The following CAMSAP1 variants were observed in gnomAD, a reference collection of about 807,000 sequenced individuals.
CAMSAP1 encodes calmodulin regulated spectrin associated protein 1.
In CAMSAP1, 58 loss-of-function variants were observed where a neutral mutation model predicts 143.5. That is an observed-to-expected ratio of 0.40 (90% CI 0.33 to 0.50). The LOEUF is 0.50. CAMSAP1 is among the 20% of genes least tolerant of loss of function. The pLI, the probability that CAMSAP1 is intolerant of heterozygous loss-of-function variation, is 0.45. For synonymous variants in CAMSAP1, 945 were observed against 859.3 expected (o/e 1.10, Z -1.74); for missense variants, 1,969 against 2,115.7 (o/e 0.93, Z 1.36).
intron 1 of CAMSAP1, among the ~76,000 whole-genome samples, chr9:135,885,979 G>A (rs911823349): frequency 6.6e-6 from 1 of 152,062 alleles, no homozygotes; most frequent in Non-Finnish European, 1.5e-5. Flanking sequence ...TGAGTAACTG[G>A]CTTCAGTGAA....
intron 3 of CAMSAP1, among the ~76,000 whole-genome samples, chr9:135,879,421 AAAGAT>A (rs1837861774): frequency 6.6e-6 from 1 of 152,148 alleles, no homozygotes; most frequent in African/African-American, 2.4e-5. Context: ...AAATACGGGC[AAAGAT>A]AACAAACAAG....
At chr9:135,889,238 G>A (rs777514742) in intron 1 of CAMSAP1, among the ~76,000 whole-genome samples, 3 of 152,150 alleles carry the variant, frequency 2.0e-5, no homozygotes, top group Non-Finnish European at 4.4e-5. Context: ...CTGCAGTCTC[G>A]ACGTAACTGG....
intron 7 of CAMSAP1, among the ~76,000 whole-genome samples, chr9:135,835,670 C>T (rs1836001485): frequency 6.6e-6 from 1 of 152,190 alleles, no homozygotes; most frequent in South Asian, 2.1e-4. Flanking sequence ...CCAAATTACA[C>T]CCTAGTGGCA....
At chr9:135,835,038 G>A (rs1223504167) in intron 7 of CAMSAP1, among the ~76,000 whole-genome samples, 1 of 152,126 alleles carries the variant, frequency 6.6e-6, no homozygotes, top group African/African-American at 2.4e-5. Flanking sequence ...AGCCAGGGGA[G>A]GCTGTGAAGT....
chr9:135,891,926 A>C (rs1186300994), intron 1 of CAMSAP1, among the ~76,000 whole-genome samples: 5 of 152,226 alleles, frequency 3.3e-5, no homozygotes, highest in Non-Finnish European at 5.9e-5. Flanking sequence ...CGCTCAACAG[A>C]ATGGCAACGA....
At chr9:135,852,892 T>G (rs543448854) in intron 5 of CAMSAP1, among the ~76,000 whole-genome samples, 45 of 152,020 alleles carry the variant, frequency 3.0e-4, no homozygotes, top group Admixed American at 2.4e-3. Context: ...AACAAACACA[T>G]GAATAAAGAA....
At chr9:135,841,454 G>T (rs971331135) in intron 7 of CAMSAP1, among the ~76,000 whole-genome samples, 2 of 152,212 alleles carry the variant, frequency 1.3e-5, no homozygotes, top group East Asian at 1.9e-4. Context: ...CCGCCTGCTG[G>T]CTCTGAAGAG....
chr9:135,817,036 G>T (rs868612633), intron 14 of CAMSAP1, among the ~76,000 whole-genome samples: 73 of 152,304 alleles, frequency 4.8e-4, no homozygotes, highest in African/African-American at 1.7e-3. Flanking sequence ...CTCATCACAG[G>T]AAGCCGATAC....
chr9:135,878,467 A>T (rs1837825478), intron 3 of CAMSAP1, among the ~76,000 whole-genome samples: 1 of 152,204 alleles, frequency 6.6e-6, no homozygotes, highest in Non-Finnish European at 1.5e-5. Flanking sequence ...TCTTGGAAAC[A>T]TGGTATCTAT....
Position 135,904,350 on chromosome 9 carries a change from G to A in CAMSAP1, c.160+2650C>T, listed in dbSNP as rs891303444. Among the ~76,000 whole-genome samples, 16 of 149,768 alleles carry A rather than the reference G, an allele frequency of 1.1e-4. 1 individual carries two copies. The highest frequency in any genetic ancestry group is 4.0e-4 in the Admixed American group (6 of 15,008). On this transcript the variant is annotated intron_variant, in intron 1 of 16. Transcript: ENST00000389532. ...GCAGGCGGAGGTTGCAGTGAACCGA[G>A]GTCACACCACTGCACTCCAGCCTGG...
Position 135,818,596 on chromosome 9 carries a change from C to T in CAMSAP1, c.3980G>A (p.Arg1327Gln), listed in dbSNP as rs775913536. 3.7e-6 allele frequency: 6 copies of T among 1,613,306 alleles called. No homozygotes were observed. The highest frequency in any genetic ancestry group is 5.1e-6 in the Non-Finnish European group (6 of 1,179,800). Residue 1327 changes from arginine to glutamine, a missense_variant, in exon 13 of 17, where the codon CGG becomes CAG. Physicochemically the swap from Arg to Gln is conservative, Grantham distance 43 (BLOSUM62 1). This residue lies in a region of CAMSAP1 where 1,390 missense variants were observed against 1,420.8 expected (regional missense o/e 0.98). Coordinates refer to ENST00000389532, the MANE Select transcript of CAMSAP1 (RefSeq NM_015447.4). The surrounding 1 kb of genome is among the most constrained non-coding windows in gnomAD (Gnocchi z 7.7). ...CGCCTTCTCCTCCTCCTTCCGCACC[C>T]GGTCTTCCTCAGCTTTGCGCCTGAG... ...DEARRKAEED[R>Q]VRKEEEKARR... is the part of the protein sequence containing the mutation.
At chr9:135,853,468 A>G (rs1266840911) in intron 5 of CAMSAP1, among the ~76,000 whole-genome samples, 2 of 152,240 alleles carry the variant, frequency 1.3e-5, no homozygotes, top group Admixed American at 6.5e-5. Context: ...TGCCTTGTTA[A>G]TATCTGTGAA....
intron 3 of CAMSAP1, among the ~76,000 whole-genome samples, chr9:135,875,232 G>A (rs983728114): frequency 4.1e-5 from 6 of 146,718 alleles, no homozygotes; most frequent in African/African-American, 1.3e-4. Flanking sequence ...TTTTTGACAC[G>A]GAGTTTTACT....
intron 8 of CAMSAP1, 132 bp from the exon 9 acceptor site, chr9:135,825,012 A>C: frequency 1.4e-6 from 1 of 729,060 alleles, no homozygotes; most frequent in Non-Finnish European, 2.2e-6. Context: ...TTGGGAAAAA[A>C]ATGACAATAA....
chr9:135,824,007 G>T lies in CAMSAP1; in HGVS notation c.1343C>A (p.Thr448Asn). The T allele has an allele frequency of 6.3e-7, 1 of 1,588,010 alleles. No homozygotes were observed. The highest frequency in any genetic ancestry group is 8.6e-7 in the Non-Finnish European group (1 of 1,166,636). ...TCCTCGAGGCTGACCATCAACTCGG[G>T]TCAAAGAATTCGATCGATGTCGCTG... ...PDQRHRSNSL[T>N]RVDGQPRGAA... The change falls in exon 10 of 17, where the codon ACC becomes AAC. Residue 448 changes from threonine to asparagine, a missense_variant. Thr to Asn is a moderately conservative substitution (Grantham distance 65). Coordinates refer to ENST00000389532, the MANE Select transcript of CAMSAP1 (RefSeq NM_015447.4). This position sits in a 1 kb window ranked among gnomAD's most constrained non-coding sequence, Gnocchi z 4.1.
intron 1 of CAMSAP1, among the ~76,000 whole-genome samples, chr9:135,888,590 G>C (rs1191506826): frequency 6.6e-6 from 1 of 152,234 alleles, no homozygotes; most frequent in African/African-American, 2.4e-5. Flanking sequence ...GCTGAGACCA[G>C]CTCTCCCAGA....
intron 5 of CAMSAP1, among the ~76,000 whole-genome samples, chr9:135,862,215 T>C (rs1423416553): frequency 7.2e-6 from 1 of 138,890 alleles, no homozygotes; most frequent in African/African-American, 2.7e-5. Context: ...GCCTCCCGAG[T>C]GGCTGGGACC....
chr9:135,850,288 T>C (rs1302251822), intron 6 of CAMSAP1, 34 bp downstream of exon 6: 1 of 1,611,596 alleles, frequency 6.2e-7, no homozygotes. Context: ...TCACACATGG[T>C]TTTAAAACTG....
At chr9:135,835,227 A>G (rs1835981445) in intron 7 of CAMSAP1, among the ~76,000 whole-genome samples, 1 of 152,142 alleles carries the variant, frequency 6.6e-6, no homozygotes, top group Non-Finnish European at 1.5e-5. Flanking sequence ...AGGAGGGGCT[A>G]GGACCCCTCC....
Sources: gnomAD v4.1 joint callset for allele counts (sites outside exome capture counted in the v4.1 genomes callset) on GRCh38, gnomAD v4.1.1 for gene constraint, gnomAD v4.1.1 regional missense constraint, Gnocchi (gnomAD v3.1) non-coding constraint, MANE v1.5 for transcripts, NCBI Gene and HGNC (gene_info 2026-07-23, HGNC 2026-07-21) for gene names.